The following FGF12 variants were observed in gnomAD, a reference collection of about 807,000 sequenced individuals.
The protein encoded by FGF12 is fibroblast growth factor 12B.
A neutral mutation model predicts 23.6 loss-of-function variants in FGF12; 14 were observed. The ratio of observed to expected loss-of-function variants is 0.59; its 90% confidence interval spans 0.39 to 0.93. The LOEUF (loss-of-function observed/expected upper bound fraction) is 0.93, where lower values mean the gene tolerates loss of function less well. Among genes scored for constraint, FGF12 ranks in the 40% least tolerant of loss-of-function variants. The pLI, the probability that FGF12 is intolerant of heterozygous loss-of-function variation, is 0.00. For missense variants in FGF12, 175 were observed against 217.8 expected (o/e 0.80, Z 1.24); for synonymous variants, 62 against 77.3 (o/e 0.80, Z 1.04).
intron 4 of FGF12, among the ~76,000 whole-genome samples, chr3:192,175,369 A>G (rs1043247836): frequency 2.6e-5 from 4 of 151,958 alleles, no homozygotes; most frequent in African/African-American, 9.7e-5. Context: ...CCCTCAGTTC[A>G]ATGTAGGCAT....
chr3:192,391,100 G>A (rs548583618), intron 2 of FGF12, among the ~76,000 whole-genome samples: 1 of 152,290 alleles, frequency 6.6e-6, no homozygotes, highest in East Asian at 1.9e-4. Flanking sequence ...CCATAGCCGA[G>A]CAAAGAGAAA....
intron 2 of FGF12, among the ~76,000 whole-genome samples, chr3:192,389,029 G>A (rs538896202): frequency 3.0e-4 from 45 of 152,252 alleles, no homozygotes; most frequent in African/African-American, 9.6e-4. Context: ...CTCTTACAAC[G>A]AAACATAATT....
intron 2 of FGF12, among the ~76,000 whole-genome samples, chr3:192,533,665 C>T (rs1725149985): frequency 1.3e-5 from 2 of 152,140 alleles, no homozygotes; most frequent in South Asian, 4.1e-4. Context: ...TGTTCATTTT[C>T]TTTCCTTAGC....
intron 2 of FGF12, among the ~76,000 whole-genome samples, chr3:192,470,563 A>AT (rs1261947883): frequency 6.6e-6 from 1 of 151,902 alleles, no homozygotes; most frequent in African/African-American, 2.4e-5. Context: ...TAATTTTTGT[A>AT]TTTTTAGTAG....
chr3:192,612,109 T>G (rs1213506453), intron 2 of FGF12, among the ~76,000 whole-genome samples: 1 of 151,970 alleles, frequency 6.6e-6, no homozygotes. Flanking sequence ...CCATGTAGAA[T>G]TGCAACCAAG....
chr3:192,277,670 C>T (rs1417992869), intron 4 of FGF12, among the ~76,000 whole-genome samples: 1 of 152,188 alleles, frequency 6.6e-6, no homozygotes, highest in Non-Finnish European at 1.5e-5. Context: ...TTCCTCCTTG[C>T]GTGTATTCAG....
chr3:192,293,991 A>C (rs1332192138), intron 4 of FGF12, among the ~76,000 whole-genome samples: 1 of 152,032 alleles, frequency 6.6e-6, no homozygotes, highest in Non-Finnish European at 1.5e-5. Flanking sequence ...TGTGGGAGGC[A>C]CCTGGTGGGA....
chr3:192,470,402 T>C (rs1354191109), intron 2 of FGF12, among the ~76,000 whole-genome samples: 1 of 152,130 alleles, frequency 6.6e-6, no homozygotes, highest in East Asian at 1.9e-4. Context: ...TTGTTGTAGT[T>C]GTTGAGACAG....
At chr3:192,373,157 C>G (rs1309800154) in intron 2 of FGF12, among the ~76,000 whole-genome samples, 1 of 151,926 alleles carries the variant, frequency 6.6e-6, no homozygotes, top group African/African-American at 2.4e-5. Flanking sequence ...ATAGCTATTT[C>G]TCTTTGTTGT....
chr3:192,443,355 C>A (rs989076241), intron 2 of FGF12, among the ~76,000 whole-genome samples: 4 of 152,098 alleles, frequency 2.6e-5, no homozygotes, highest in African/African-American at 9.7e-5. Context: ...ATGGAATATT[C>A]TTTTCTGCTC....
Position 192,143,223 on chromosome 3 carries a change from A to G in FGF12, c.*786T>C, listed in dbSNP as rs1238362366. Reference sequence around the variant, plus strand: ...CAGTAATGTTTTTGCTAAATTACTAAAAAAAAAAAAAAAAGAAAGAAAGAA... The same window carrying G: ...CAGTAATGTTTTTGCTAAATTACTAGAAAAAAAAAAAAAAGAAAGAAAGAA... On this transcript the variant is annotated 3_prime_UTR_variant, in exon 6 of 6. Coordinates refer to ENST00000445105, the MANE Select transcript of FGF12 (RefSeq NM_004113.6). 2 of 143,060 alleles carry G rather than the reference A, an allele frequency of 1.4e-5. No individual in the cohort carries two copies. The highest frequency in any genetic ancestry group is 3.1e-5 in the Non-Finnish European group (2 of 65,448). The allele number at this position is 143,060 out of a possible 1,614,324, so 8.9% of individuals were successfully genotyped here.
At chr3:192,439,883 A>AG (rs1722149659) in intron 2 of FGF12, among the ~76,000 whole-genome samples, 1 of 151,690 alleles carries the variant, frequency 6.6e-6, no homozygotes, top group Non-Finnish European at 1.5e-5. Context: ...AGGCTGAGGC[A>AG]GAGAACTGCT....
chr3:192,541,287 G>A (rs1041899619), intron 2 of FGF12, among the ~76,000 whole-genome samples: 3 of 151,886 alleles, frequency 2.0e-5, no homozygotes, highest in African/African-American at 7.3e-5. Flanking sequence ...GATTTTTATT[G>A]TGTTTGTTGT....
chr3:192,188,297 C>A (rs1192357190), intron 4 of FGF12, among the ~76,000 whole-genome samples: 29 of 152,142 alleles, frequency 1.9e-4, no homozygotes, highest in Admixed American at 1.9e-3. Flanking sequence ...TTATGTTATT[C>A]TGTCCTCTTT....
intron 4 of FGF12, chr3:192,238,327 T>A (rs1357937037): frequency 6.6e-6 from 1 of 152,456 alleles, no homozygotes; most frequent in Non-Finnish European, 1.5e-5. Context: ...TGCAGGCGAG[T>A]ACGCATCAGT....
chr3:192,508,514 T>C (rs538649171), intron 2 of FGF12, among the ~76,000 whole-genome samples: 1 of 152,176 alleles, frequency 6.6e-6, no homozygotes, highest in Admixed American at 6.5e-5. Context: ...AGAATAGAAC[T>C]TGCACCTTTC....
chr3:192,547,582 C>A (rs1012112698), intron 2 of FGF12, among the ~76,000 whole-genome samples: 5 of 152,218 alleles, frequency 3.3e-5, no homozygotes, highest in African/African-American at 1.2e-4. Context: ...AATATGTATA[C>A]AAATTATAGC....
Position 192,514,589 on chromosome 3 carries a change from G to C in FGF12, c.14-154051C>G, listed in dbSNP as rs547388647. 1.7e-5 allele frequency: 11 copies of C among 642,692 alleles called. No individual in the cohort carries two copies. In the East Asian group the frequency reaches 1.4e-3, roughly 81 times the overall value. 39.8% of individuals were successfully genotyped at this position (642,692 alleles called of 1,614,324 possible). ...GGCAGCGCTGAATGAAGCAGAGGAG[G>C]GCGGCGGAGAGGGCCCCGGAAGAAG... On this transcript the variant is annotated intron_variant, in intron 2 of 5. Coordinates refer to ENST00000445105, the MANE Select transcript of FGF12 (RefSeq NM_004113.6). This position sits in a 1 kb window ranked among gnomAD's most constrained non-coding sequence, Gnocchi z 4.9.
intron 4 of FGF12, among the ~76,000 whole-genome samples, chr3:192,275,042 G>T (rs1361806995): frequency 1.3e-5 from 2 of 152,138 alleles, no homozygotes; most frequent in African/African-American, 4.8e-5. Flanking sequence ...TTAGATTAAA[G>T]ATGATTAGTA....
Sources: gnomAD v4.1 joint callset for allele counts (sites outside exome capture counted in the v4.1 genomes callset) on GRCh38, gnomAD v4.1.1 for gene constraint, Gnocchi (gnomAD v3.1) non-coding constraint, MANE v1.5 for transcripts, NCBI Gene and HGNC (gene_info 2026-07-23, HGNC 2026-07-21) for gene names.